DMD: variants seen among roughly 807,000 people sequenced by gnomAD.
The protein encoded by DMD is dystrophin.
A neutral mutation model predicts 330.1 loss-of-function variants in DMD; 63 were observed. That is an observed-to-expected ratio of 0.19 (90% CI 0.16 to 0.24). The LOEUF (loss-of-function observed/expected upper bound fraction) is 0.24, where lower values mean the gene tolerates loss of function less well. Among genes scored for constraint, DMD ranks in the 10% least tolerant of loss-of-function variants. The pLI, the probability that DMD is intolerant of heterozygous loss-of-function variation, is 1.00. For synonymous variants in DMD, 1,223 were observed against 959.8 expected, an observed-to-expected ratio of 1.27 and a Z score of -5.07; for missense variants, 3,344 against 2,684.1, an observed-to-expected ratio of 1.25 and a Z score of -5.43.
At chrX:31,455,807 G>A (rs996636231) in intron 59 of DMD, among the ~76,000 whole-genome samples, 3 of 111,867 alleles carry the variant, frequency 2.7e-5, no homozygotes, top group Non-Finnish European at 3.8e-5. Flanking sequence ...CTTGGTGGTG[G>A]TGGCACAAGT....
At chrX:31,650,303 G>A (rs760194706) in intron 54 of DMD, among the ~76,000 whole-genome samples, 57 of 106,844 alleles carry the variant, frequency 5.3e-4, no homozygotes, top group Non-Finnish European at 1.3e-4. Flanking sequence ...TTATGAGCAG[G>A]CCCCAATGTA....
At chrX:32,211,023 A>T (rs1213552813) in intron 44 of DMD, among the ~76,000 whole-genome samples, 1 of 111,993 alleles carries the variant, frequency 8.9e-6, no homozygotes, top group Non-Finnish European at 1.9e-5. Context: ...AACCATGGTA[A>T]GGTAAAGCTG....
chrX:32,040,032 C>T (rs1301550032), intron 44 of DMD, among the ~76,000 whole-genome samples: 1 of 112,026 alleles, frequency 8.9e-6, no homozygotes, highest in Non-Finnish European at 1.9e-5. Context: ...GTTTTGTAGA[C>T]ACAACTTACA....
At chrX:32,490,713 G>A (rs894139027) in intron 20 of DMD, among the ~76,000 whole-genome samples, 19 of 111,601 alleles carry the variant, frequency 1.7e-4, no homozygotes, top group Non-Finnish European at 3.2e-4. Flanking sequence ...GACTAAAAGG[G>A]GTAAGAACTC....
At chrX:31,142,979 C>T (rs141550518) in intron 76 of DMD, among the ~76,000 whole-genome samples, 4 of 111,975 alleles carry the variant, frequency 3.6e-5, no homozygotes, top group African/African-American at 6.5e-5. Flanking sequence ...AATCAGTCAT[C>T]GGGGTTGCAT....
intron 29 of DMD, chrX:32,412,221 T>C (rs766093068): frequency 2.9e-6 from 3 of 1,043,946 alleles, no homozygotes; most frequent in Non-Finnish European, 3.8e-6. Flanking sequence ...GCAATCTGTC[T>C]TTCTCAGGTC....
intron 7 of DMD, among the ~76,000 whole-genome samples, chrX:32,729,284 G>T: frequency 8.9e-6 from 1 of 111,844 alleles, no homozygotes; most frequent in Non-Finnish European, 1.9e-5. Flanking sequence ...AACACTTCTG[G>T]TCCCAAGCAT....
intron 44 of DMD, among the ~76,000 whole-genome samples, chrX:32,162,190 G>A (rs2096851898): frequency 9.0e-6 from 1 of 111,272 alleles, no homozygotes; most frequent in Non-Finnish European, 1.9e-5. Context: ...TAATAAAAAA[G>A]AAAGAAGGAA....
intron 52 of DMD, among the ~76,000 whole-genome samples, chrX:31,682,343 A>C (rs2082427593): frequency 9.0e-6 from 1 of 111,448 alleles, no homozygotes; most frequent in South Asian, 3.8e-4. Context: ...TTTAACCGTA[A>C]GTCTCTCTCT....
chrX:31,991,761 T>TAAAAA (rs35367607), intron 44 of DMD, among the ~76,000 whole-genome samples: 1 of 88,710 alleles, frequency 1.1e-5, no homozygotes, highest in Non-Finnish European at 2.2e-5. Flanking sequence ...TTACAGACTT[T>TAAAAA]AAAAAAAAAA....
intron 7 of DMD, among the ~76,000 whole-genome samples, chrX:32,800,701 C>A (rs1251891801): frequency 9.0e-6 from 1 of 110,659 alleles, no homozygotes; most frequent in African/African-American, 3.3e-5. Context: ...TATCACTCCC[C>A]TAGCCCCACA....
At chrX:31,713,052 G>C (rs1052990907) in intron 52 of DMD, among the ~76,000 whole-genome samples, 8 of 111,221 alleles carry the variant, frequency 7.2e-5, no homozygotes, top group Middle Eastern at 4.6e-3. Context: ...CCATTCACCA[G>C]CTGCTATTTC....
chrX:32,905,463 GTCTT>G (rs1295635278), intron 2 of DMD, among the ~76,000 whole-genome samples: 1 of 111,566 alleles, frequency 9.0e-6, no homozygotes, highest in East Asian at 2.8e-4. Context: ...TTGGGGCTGA[GTCTT>G]TCTTTCATTC....
chrX:32,118,016 T>C (rs1341833569), intron 44 of DMD, among the ~76,000 whole-genome samples: 1 of 111,069 alleles, frequency 9.0e-6, no homozygotes, highest in African/African-American at 3.3e-5. Context: ...TGTAAAATCA[T>C]CTATTTTTGG....
rs1006534908 is a variant in DMD at position 32,369,839 on chromosome X, C to T, written c.4846-4640G>A. On this transcript the variant is annotated intron_variant, in intron 34 of 78. Transcript: ENST00000357033. ...AATCAGCACCACATTTATTTACCTA[C>T]GTACCTTAACATCATTTCCTTATAG... 6.3e-5 allele frequency among the ~76,000 whole-genome samples: 7 copies of T among 111,314 alleles called. No individual in the cohort carries two copies. In the Admixed American group the frequency reaches 6.7e-4, roughly 11 times the overall value.
rs1220027347 is a variant in DMD at position 32,710,477 on chromosome X, A to G, written c.650-11184T>C. On this transcript the variant is annotated intron_variant, in intron 7 of 78. Transcript: ENST00000357033. ...GGAAAGAAGCATTAATTTCCAAATT[A>G]GAGAGCATTAGCAGGTTAATCAAGA... Among the ~76,000 whole-genome samples the G allele has an allele frequency of 2.7e-5, 3 of 111,459 alleles. No individual in the cohort carries two copies. The East Asian group carries it at 8.4e-4, about 31-fold the overall frequency.
intron 7 of DMD, among the ~76,000 whole-genome samples, chrX:32,794,107 G>A (rs1337650825): frequency 1.8e-5 from 2 of 111,526 alleles, no homozygotes; most frequent in East Asian, 5.6e-4. Context: ...ACATCAAACA[G>A]AATGAAAAAC....
At chrX:31,366,642 GGACTTT>G (rs1292319914) in intron 60 of DMD, among the ~76,000 whole-genome samples, 1 of 107,618 alleles carries the variant, frequency 9.3e-6, no homozygotes, top group African/African-American at 3.4e-5. Flanking sequence ...AATATTTTAG[GGACTTT>G]AACTTTGTCT....
chrX:32,131,936 A>G (rs1489758234), intron 44 of DMD, among the ~76,000 whole-genome samples: 1 of 111,564 alleles, frequency 9.0e-6, no homozygotes, highest in Non-Finnish European at 1.9e-5. Flanking sequence ...TGGAAAAAGC[A>G]TATCTGTCAT....
Sources: allele counts gnomAD v4.1 joint callset (sites outside exome capture counted in the v4.1 genomes callset), GRCh38; gene constraint gnomAD v4.1.1; transcripts MANE v1.5; gene names NCBI Gene and HGNC (gene_info 2026-07-23, HGNC 2026-07-21).